Variants in PDE4D observed in about 807,000 individuals in gnomAD.
The protein encoded by PDE4D is phosphodiesterase 4D.
In PDE4D, 24 loss-of-function variants were observed where a neutral mutation model predicts 87.4. The ratio of observed to expected loss-of-function variants is 0.27; its 90% CI spans 0.20 to 0.39. The LOEUF (loss-of-function observed/expected upper bound fraction) is 0.39. Among genes scored for constraint, PDE4D ranks in the 10% least tolerant of loss-of-function variants. The probability of loss-of-function intolerance (pLI) is 1.00; values close to 1 mark genes in which losing one functional copy is unlikely to be tolerated. For missense variants in PDE4D, 714 were observed against 1,041.0 expected (o/e 0.69, Z 4.32); for synonymous variants, 384 against 383.2 (o/e 1.00, Z -0.02).
upstream of PDE4D, among the ~76,000 whole-genome samples, chr5:59,895,464 T>C (rs1255057978): frequency 6.6e-6 from 1 of 152,210 alleles, no homozygotes; most frequent in East Asian, 1.9e-4. Context: ...CTCTCCACTG[T>C]GTAGGATTAA....
At chr5:59,731,008 T>A (rs1308663083) in intron 1 of PDE4D, among the ~76,000 whole-genome samples, 1 of 152,142 alleles carries the variant, frequency 6.6e-6, no homozygotes, top group Non-Finnish European at 1.5e-5. Flanking sequence ...TGGTGTCCAC[T>A]TAACTATAAG....
Position 58,993,409 on chromosome 5 carries a change from T to C in PDE4D, c.978A>G (p.Gly326=). The change falls in exon 7 of 15, where the codon GGA becomes GGG. Residue 326 remains glycine (G), a synonymous_variant. Transcript: ENST00000340635. ...TTGATATAAACTCTGACACTTGATT[T>C]CCAGACCGACTCATTTCAGAGAGAT... ...LTHLSEMSRS[G]NQVSEFISNT... is the part of the protein sequence containing the mutation. 6.2e-7 allele frequency: 1 copy of C among 1,601,614 alleles called. No homozygotes were observed. The highest frequency in any genetic ancestry group is 8.5e-7 in the Non-Finnish European group (1 of 1,174,762).
At chr5:59,024,939 G>A (rs12697173) in intron 6 of PDE4D, among the ~76,000 whole-genome samples, 15,118 of 151,786 alleles carry the variant, frequency 0.1, 1,021 homozygotes, top group Non-Finnish European at 0.13. Flanking sequence ...GATACAAGAG[G>A]ACAAGTGTTT....
intron 1 of PDE4D, among the ~76,000 whole-genome samples, chr5:59,688,833 T>C (rs1411868403): frequency 1.3e-5 from 2 of 150,978 alleles, no homozygotes; most frequent in African/African-American, 4.9e-5. Flanking sequence ...GCAAGACTAA[T>C]AAAGAAGAAA....
chr5:59,998,083 C>T (rs981124718), intron 2 of PDE4D, among the ~76,000 whole-genome samples: 6 of 152,178 alleles, frequency 3.9e-5, no homozygotes, highest in African/African-American at 1.4e-4. Flanking sequence ...TGTGTGCAGA[C>T]CTCCCTCTAG....
At chr5:59,196,590 A>G (rs984325379) in intron 2 of PDE4D, among the ~76,000 whole-genome samples, 4 of 152,222 alleles carry the variant, frequency 2.6e-5, no homozygotes, top group African/African-American at 9.6e-5. Context: ...GTGTTTAAAA[A>G]GCATGAAGAC....
intron 1 of PDE4D, among the ~76,000 whole-genome samples, chr5:60,411,831 T>C (rs561099863): frequency 1.3e-5 from 2 of 152,280 alleles, no homozygotes; most frequent in East Asian, 1.9e-4. Context: ...TTTCCACCTT[T>C]CCTAGAAATC....
At chr5:59,290,063 A>G (rs890194681) in intron 1 of PDE4D, among the ~76,000 whole-genome samples, 3 of 152,096 alleles carry the variant, frequency 2.0e-5, no homozygotes, top group African/African-American at 7.2e-5. Flanking sequence ...ATGAATTGGA[A>G]GGATCAATAT....
intron 1 of PDE4D, among the ~76,000 whole-genome samples, chr5:60,199,560 C>A (rs1394170634): frequency 6.6e-6 from 1 of 151,656 alleles, no homozygotes; most frequent in Non-Finnish European, 1.5e-5. Flanking sequence ...CTTTAATCAT[C>A]TCAGGGCTTA....
At chr5:59,564,718 C>A (rs957276017) in intron 1 of PDE4D, among the ~76,000 whole-genome samples, 10 of 152,126 alleles carry the variant, frequency 6.6e-5, no homozygotes, top group Non-Finnish European at 1.3e-4. Context: ...GTTAGTGTAT[C>A]CAGTCAGGCA....
chr5:59,302,146 A>G (rs1017112760), intron 1 of PDE4D, among the ~76,000 whole-genome samples: 9 of 152,126 alleles, frequency 5.9e-5, no homozygotes, highest in Non-Finnish European at 1.3e-4. Flanking sequence ...CAAACGGCAC[A>G]TGCAGCCCCT....
Position 60,069,724 on chromosome 5 carries a change from C to T in PDE4D, c.43-81007G>A, listed in dbSNP as rs966842741. Among the ~76,000 whole-genome samples the T allele has an allele frequency of 1.6e-4, 24 of 151,740 alleles. 1 individual carries two copies. The East Asian group carries it at 4.5e-3, about 28-fold the overall frequency. ...TTTTTTCACTTTCTGTAAAAAATGA[C>T]ATTGAGATTTGGATAGGGATTGCAT... On this transcript the variant is annotated intron_variant, in intron 2 of 16. Transcript: ENST00000502484.
intron 1 of PDE4D, among the ~76,000 whole-genome samples, chr5:60,299,709 T>A (rs13170190): frequency 0.14 from 20,949 of 152,106 alleles, 1,601 homozygotes; most frequent in South Asian, 0.32. Flanking sequence ...ACTCCAACCA[T>A]GTCCCTGCAA....
intron 3 of PDE4D, among the ~76,000 whole-genome samples, chr5:59,907,988 C>T (rs1019621649): frequency 2.0e-5 from 3 of 151,982 alleles, no homozygotes; most frequent in Non-Finnish European, 4.4e-5. Context: ...AAAGCATTCC[C>T]TCTCAAACCA....
At position 59,072,944 on chromosome 5, in the gene PDE4D, T is replaced by C. The variant is rs372904196; in HGVS notation, c.809-33973A>G. 1.4e-4 allele frequency among the ~76,000 whole-genome samples: 22 copies of C among 152,336 alleles called. No homozygotes were observed. In the South Asian group the frequency reaches 3.3e-3, roughly 23 times the overall value. ...CTTGTGGTTCCTGTCATTTAGAATG[T>C]ATGCAGGTCATGAATCGCTTAGATG... On this transcript the variant is annotated intron_variant, in intron 5 of 14. Transcript: ENST00000340635.
intron 1 of PDE4D, among the ~76,000 whole-genome samples, chr5:59,378,113 AGATCATGTCCTTTGCAGGAACATG>A (rs1306801977): frequency 6.6e-6 from 1 of 152,232 alleles, no homozygotes; most frequent in Non-Finnish European, 1.5e-5. Flanking sequence ...AAAAAGAATG[AGATCATGTCCTTTGCAGGAACATG>A]GATACAGCTG....
chr5:60,393,983 C>T (rs1347120349), intron 1 of PDE4D, among the ~76,000 whole-genome samples: 1 of 152,142 alleles, frequency 6.6e-6, no homozygotes, highest in Admixed American at 6.5e-5. Context: ...TTTCTAAATC[C>T]ATGTGTATTT....
At chr5:58,991,569 AG>A (rs1322545717) in intron 8 of PDE4D, among the ~76,000 whole-genome samples, 2 of 152,180 alleles carry the variant, frequency 1.3e-5, no homozygotes, top group Admixed American at 1.3e-4. Context: ...AAAACCCAGA[AG>A]ACATGACAGA....
At chr5:60,035,285 A>G (rs1767674749) in intron 2 of PDE4D, among the ~76,000 whole-genome samples, 2 of 150,718 alleles carry the variant, frequency 1.3e-5, no homozygotes, top group Admixed American at 1.3e-4. Flanking sequence ...ATACTTGTGT[A>G]TACTGATTAA....
Sources: allele counts gnomAD v4.1 joint callset (sites outside exome capture counted in the v4.1 genomes callset), GRCh38; gene constraint gnomAD v4.1.1; transcripts MANE v1.5; gene names NCBI Gene and HGNC (gene_info 2026-07-23, HGNC 2026-07-21).